GLI2: variants seen among roughly 807,000 people sequenced by gnomAD.
The protein encoded by GLI2 is transcription activator GLI2.
A neutral mutation model predicts 78.9 loss-of-function variants in GLI2; 22 were observed. That is an observed-to-expected ratio of 0.28 (90% CI 0.20 to 0.40). The LOEUF is 0.40. GLI2 is among the 10% of genes least tolerant of loss of function. GLI2 has a pLI of 1.00. For synonymous variants in GLI2, 974 were observed against 963.7 expected, an observed-to-expected ratio of 1.01 and a Z score of -0.20; for missense variants, 2,097 against 2,213.2, an observed-to-expected ratio of 0.95 and a Z score of 1.05.
chr2:120,822,333 C>G (rs1188995765), intron 2 of GLI2, among the ~76,000 whole-genome samples: 2 of 152,236 alleles, frequency 1.3e-5, no homozygotes, highest in Admixed American at 6.5e-5. Context: ...GCGGGTCCAG[C>G]TCAAGGGACA....
intron 2 of GLI2, among the ~76,000 whole-genome samples, chr2:120,886,821 C>T (rs1285577533): frequency 3.9e-5 from 6 of 152,182 alleles, no homozygotes; most frequent in South Asian, 2.1e-4. Flanking sequence ...GGGTGGATGG[C>T]GGTGCCCTTG....
At chr2:120,894,214 A>G (rs954057163) in intron 2 of GLI2, among the ~76,000 whole-genome samples, 1 of 152,198 alleles carries the variant, frequency 6.6e-6, no homozygotes, top group Non-Finnish European at 1.5e-5. Flanking sequence ...TTCCCAAGCA[A>G]TTGTCCGTCT....
chr2:120,817,824 C>A (rs1685572706), intron 2 of GLI2, among the ~76,000 whole-genome samples: 2 of 152,136 alleles, frequency 1.3e-5, no homozygotes, highest in South Asian at 4.1e-4. Context: ...GGCGTAGCGT[C>A]CTCACCCACT....
intron 1 of GLI2, among the ~76,000 whole-genome samples, chr2:120,741,242 G>A (rs1403708145): frequency 1.3e-5 from 2 of 152,142 alleles, no homozygotes; most frequent in Non-Finnish European, 2.9e-5. Flanking sequence ...GACTCGGCTG[G>A]GTTTGGAGCC....
At chr2:120,739,520 C>T (rs552624867) in intron 1 of GLI2, among the ~76,000 whole-genome samples, 3 of 152,284 alleles carry the variant, frequency 2.0e-5, no homozygotes, top group East Asian at 1.9e-4. Context: ...ATGGCTCTTG[C>T]GGCAGGGAGG....
At chr2:120,921,482 G>A (rs925372097) in intron 2 of GLI2, among the ~76,000 whole-genome samples, 3 of 152,120 alleles carry the variant, frequency 2.0e-5, no homozygotes, top group Non-Finnish European at 4.4e-5. Context: ...TGGAATAAGC[G>A]AGGCCCTTTG....
intron 2 of GLI2, among the ~76,000 whole-genome samples, chr2:120,842,634 C>T (rs771776818): frequency 9.8e-5 from 15 of 152,294 alleles, no homozygotes; most frequent in South Asian, 8.3e-4. Context: ...ATGTGAGAAC[C>T]GACCCTCCAT....
chr2:120,781,477 C>T (rs1683845607), intron 1 of GLI2, among the ~76,000 whole-genome samples: 1 of 152,248 alleles, frequency 6.6e-6, no homozygotes. Flanking sequence ...TTCCTACCCT[C>T]TTTCGCTTCG....
At chr2:120,743,642 A>C (rs707484) in intron 1 of GLI2, among the ~76,000 whole-genome samples, 100,738 of 152,066 alleles carry the variant, frequency 0.66, 33,834 homozygotes, top group African/African-American at 0.77. Flanking sequence ...GATGGCTGCA[A>C]TATAAAGATA....
chr2:120,985,062 A>C (rs1682909862), intron 12 of GLI2, among the ~76,000 whole-genome samples: 1 of 152,052 alleles, frequency 6.6e-6, no homozygotes, highest in Non-Finnish European at 1.5e-5. Context: ...GCCAGCACCC[A>C]AGTGCCACTG....
chr2:120,856,601 G>A (rs1464785117), intron 2 of GLI2, among the ~76,000 whole-genome samples: 1 of 152,124 alleles, frequency 6.6e-6, no homozygotes, highest in Non-Finnish European at 1.5e-5. Context: ...GTGTAAGGGA[G>A]CTGGCTCAGC....
chr2:120,751,599 G>T (rs1682876118), intron 1 of GLI2, among the ~76,000 whole-genome samples: 2 of 152,032 alleles, frequency 1.3e-5, no homozygotes, highest in African/African-American at 4.8e-5. Flanking sequence ...ATAATTATGA[G>T]AAAATTCTTG....
intron 5 of GLI2, among the ~76,000 whole-genome samples, chr2:120,965,362 G>A (rs551985212): frequency 5.2e-4 from 54 of 103,088 alleles, no homozygotes; most frequent in East Asian, 6.0e-4. Flanking sequence ...CACTCCAGCC[G>A]GGATGCAGAT....
chr2:120,933,440 C>T (rs969901986), intron 3 of GLI2, among the ~76,000 whole-genome samples: 1 of 152,166 alleles, frequency 6.6e-6, no homozygotes, highest in Admixed American at 6.5e-5. Context: ...AAGCAAGGTT[C>T]TCTTGAAGCC....
intron 12 of GLI2, among the ~76,000 whole-genome samples, chr2:120,985,911 A>C (rs757304027): frequency 6.6e-6 from 1 of 152,154 alleles, no homozygotes; most frequent in Non-Finnish European, 1.5e-5. Flanking sequence ...CCAAGTCAGC[A>C]GGCTTCATTC....
At position 120,951,317 on chromosome 2, in the gene GLI2, C is replaced by G. The variant is rs753931354; in HGVS notation, c.329C>G (p.Pro110Arg). The G allele has an allele frequency of 6.2e-7, 1 of 1,604,150 alleles. No individual in the cohort carries two copies. The highest frequency in any genetic ancestry group is 8.5e-7 in the Non-Finnish European group (1 of 1,171,004). Residue 110 changes from proline to arginine, a missense_variant, in exon 4 of 14, where the codon CCT (proline) becomes CGT (arginine). Transcript: ENST00000361492. ...CGGCTTTCCCCGCACCCGGCTGGCC[C>G]TGGGGAGTCCCCCTTCAACGCCCCC... ...LIRLSPHPAG[P>R]GESPFNAPHP...
chr2:120,799,279 C>T (rs1684571344), intron 2 of GLI2, among the ~76,000 whole-genome samples: 1 of 152,184 alleles, frequency 6.6e-6, no homozygotes, highest in African/African-American at 2.4e-5. Flanking sequence ...CCCTTTCCTG[C>T]CCACCCCGCA....
At chr2:120,807,846 A>G (rs1188271934) in intron 2 of GLI2, among the ~76,000 whole-genome samples, 1 of 131,318 alleles carries the variant, frequency 7.6e-6, no homozygotes, top group Non-Finnish European at 1.6e-5. Flanking sequence ...TGCTTGGACC[A>G]CCCCCCCACA....
intron 2 of GLI2, among the ~76,000 whole-genome samples, chr2:120,885,581 G>A (rs1677356565): frequency 2.6e-5 from 4 of 152,222 alleles, no homozygotes; most frequent in South Asian, 4.1e-4. Context: ...GGCCTGGGGC[G>A]GGGCAGCTAT....
Sources: gnomAD v4.1 joint callset for allele counts (sites outside exome capture counted in the v4.1 genomes callset) on GRCh38, gnomAD v4.1.1 for gene constraint, MANE v1.5 for transcripts, NCBI Gene and HGNC (gene_info 2026-07-23, HGNC 2026-07-21) for gene names.